The following LARGE1 variants were observed in gnomAD, a reference collection of about 807,000 sequenced individuals.
LARGE1 encodes the protein LARGE xylosyl- and glucuronyltransferase 1.
In LARGE1, 43 loss-of-function variants were observed where a neutral mutation model predicts 87.6. That is an observed-to-expected ratio of 0.49 (90% CI 0.38 to 0.63). The LOEUF (loss-of-function observed/expected upper bound fraction) is 0.63. Among genes scored for constraint, LARGE1 ranks in the 30% least tolerant of loss-of-function variants. The pLI, the probability that LARGE1 is intolerant of heterozygous loss-of-function variation, is 0.00. For missense variants in LARGE1, 802 were observed against 1,000.2 expected (o/e 0.80, Z 2.67); for synonymous variants, 434 against 394.6 (o/e 1.10, Z -1.18).
chr22:33,641,738 T>C (rs541072528), intron 3 of LARGE1, among the ~76,000 whole-genome samples: 160 of 152,236 alleles, frequency 1.1e-3, no homozygotes, highest in African/African-American at 3.7e-3. Flanking sequence ...TTGTGAAGCA[T>C]ACACAAGTAT....
chr22:33,336,975 C>T (rs1228537386), intron 10 of LARGE1, among the ~76,000 whole-genome samples: 3 of 151,268 alleles, frequency 2.0e-5, no homozygotes, highest in South Asian at 2.1e-4. Flanking sequence ...GCGGGAGAAT[C>T]GCTTGAACCC....
chr22:33,532,812 G>A (rs1248431480), intron 6 of LARGE1, among the ~76,000 whole-genome samples: 1 of 152,206 alleles, frequency 6.6e-6, no homozygotes, highest in Non-Finnish European at 1.5e-5. Flanking sequence ...CTTTGTGAGT[G>A]CCAAGTAGTG....
chr22:33,400,859 A>C (rs1286556454), intron 7 of LARGE1, among the ~76,000 whole-genome samples: 4 of 152,170 alleles, frequency 2.6e-5, no homozygotes, highest in Non-Finnish European at 5.9e-5. Flanking sequence ...TCTCTACTTT[A>C]ATTCCTCATT....
chr22:33,095,783 C>T, the LARGE1 span, among the ~76,000 whole-genome samples: 30 of 152,322 alleles, frequency 2.0e-4, no homozygotes, highest in South Asian at 4.1e-4. Context: ...CTTCAACCAT[C>T]GTTTCCTCCC....
chr22:33,336,099 A>G (rs904878972), intron 10 of LARGE1, among the ~76,000 whole-genome samples: 2 of 152,268 alleles, frequency 1.3e-5, no homozygotes, highest in African/African-American at 4.8e-5. Context: ...AGGAAAGAGC[A>G]GAGTGCAAAT....
the LARGE1 span, among the ~76,000 whole-genome samples, chr22:33,152,642 C>T: frequency 2.6e-5 from 4 of 151,924 alleles, no homozygotes. Context: ...TTATGGGGTA[C>T]ATGAGATATT....
intron 11 of LARGE1, among the ~76,000 whole-genome samples, chr22:33,199,723 A>T (rs1041286527): frequency 6.6e-6 from 1 of 152,138 alleles, no homozygotes; most frequent in Non-Finnish European, 1.5e-5. Context: ...CTATGTGTCT[A>T]GTTTTATACC....
intron 2 of LARGE1, among the ~76,000 whole-genome samples, chr22:33,687,247 G>T (rs1048652140): frequency 2.0e-5 from 3 of 148,646 alleles, no homozygotes; most frequent in Admixed American, 6.8e-5. Flanking sequence ...CTCCTGCCTT[G>T]GCCTCTCCAA....
At chr22:33,380,468 T>G (rs372030081) in intron 9 of LARGE1, among the ~76,000 whole-genome samples, 3 of 152,344 alleles carry the variant, frequency 2.0e-5, no homozygotes, top group African/African-American at 7.2e-5. Flanking sequence ...AAGGGCTTCA[T>G]GGACAAAGCT....
Position 33,874,481 on chromosome 22 carries a change from G to A in LARGE1, c.-83+45514C>T, listed in dbSNP as rs1421758895. On this transcript the variant is annotated intron_variant, in intron 1 of 14. Coordinates refer to ENST00000397394, the MANE Select transcript of LARGE1 (RefSeq NM_133642.5). ...CGTGGCAGCTGAAACGGAGCAATTTGCTCAACGAACTGCAGCTATGTTTAT... is the reference window on the plus strand; with the variant it reads ...CGTGGCAGCTGAAACGGAGCAATTTACTCAACGAACTGCAGCTATGTTTAT... 3.3e-5 allele frequency among the ~76,000 whole-genome samples: 5 copies of A among 152,320 alleles called. No homozygotes were observed. The East Asian group carries it at 9.6e-4, about 29-fold the overall frequency.
intron 1 of LARGE1, among the ~76,000 whole-genome samples, chr22:33,825,890 G>C (rs1356772613): frequency 6.6e-6 from 1 of 151,914 alleles, no homozygotes; most frequent in African/African-American, 2.4e-5. Context: ...ATGTGGGAAG[G>C]CGTTATAATG....
chr22:33,628,839 T>C (rs956816466), intron 3 of LARGE1, among the ~76,000 whole-genome samples: 1 of 151,996 alleles, frequency 6.6e-6, no homozygotes, highest in Non-Finnish European at 1.5e-5. Context: ...TGGTTGTCAC[T>C]ACTTGGTGGG....
intron 2 of LARGE1, among the ~76,000 whole-genome samples, chr22:33,684,862 C>T (rs2081899190): frequency 6.6e-6 from 1 of 152,256 alleles, no homozygotes; most frequent in Non-Finnish European, 1.5e-5. Context: ...CAACTTCTTC[C>T]CCCACTTTTT....
At chr22:33,575,438 ACTT>A (rs2078326080) in intron 5 of LARGE1, among the ~76,000 whole-genome samples, 1 of 152,168 alleles carries the variant, frequency 6.6e-6, no homozygotes, top group African/African-American at 2.4e-5. Context: ...TCTTGGCTGT[ACTT>A]CTTTTTAAAT....
At chr22:33,356,942 T>G (rs1233382416) in intron 9 of LARGE1, among the ~76,000 whole-genome samples, 4 of 152,200 alleles carry the variant, frequency 2.6e-5, no homozygotes, top group Non-Finnish European at 5.9e-5. Flanking sequence ...AGTATCTCTA[T>G]GGAAAACAGC....
chr22:33,798,089 A>G (rs901088647), intron 1 of LARGE1, among the ~76,000 whole-genome samples: 25 of 152,310 alleles, frequency 1.6e-4, no homozygotes, highest in Admixed American at 1.4e-3. Context: ...CCTGGCCAAC[A>G]TGGCGAAAAC....
At chr22:33,684,822 G>C (rs2081897928) in intron 2 of LARGE1, among the ~76,000 whole-genome samples, 1 of 152,124 alleles carries the variant, frequency 6.6e-6, no homozygotes, top group South Asian at 2.1e-4. Flanking sequence ...CTAGGAATCT[G>C]AATTTTAACA....
chr22:33,195,957 A>ACTAAACT (rs1924054297), intron 11 of LARGE1, among the ~76,000 whole-genome samples: 1 of 151,432 alleles, frequency 6.6e-6, no homozygotes, highest in Non-Finnish European at 1.5e-5. Flanking sequence ...ACGGAGTTTC[A>ACTAAACT]CCGTGTTAGC....
chr22:33,443,951 A>T (rs987210132), intron 6 of LARGE1, among the ~76,000 whole-genome samples: 2 of 152,226 alleles, frequency 1.3e-5, no homozygotes, highest in African/African-American at 4.8e-5. Context: ...ACCTCCATCC[A>T]TGGAAATTTT....
Sources: gnomAD v4.1 joint callset for allele counts (sites outside exome capture counted in the v4.1 genomes callset) on GRCh38, gnomAD v4.1.1 for gene constraint, MANE v1.5 for transcripts, NCBI Gene and HGNC (gene_info 2026-07-23, HGNC 2026-07-21) for gene names.